Variants in PSME4 observed in about 807,000 individuals in gnomAD.
The protein encoded by PSME4 is proteasome activator complex subunit 4.
A neutral mutation model predicts 253.9 loss-of-function variants in PSME4; 89 were observed. That is an observed-to-expected ratio of 0.35 (90% CI 0.30 to 0.42). The LOEUF (loss-of-function observed/expected upper bound fraction) is 0.42. Ranked by LOEUF, PSME4 falls within the 10% of genes least tolerant of loss-of-function variation. PSME4 has a pLI of 1.00. For missense variants in PSME4, 2,014 were observed against 2,195.2 expected, an observed-to-expected ratio of 0.92 and a Z score of 1.65; for synonymous variants, 851 against 759.2, an observed-to-expected ratio of 1.12 and a Z score of -1.99.
chr2:53,927,556 A>T (rs767932547), intron 11 of PSME4, 73 bp from the exon 12 acceptor site: 10 of 1,026,470 alleles, frequency 9.7e-6, no homozygotes, highest in Admixed American at 3.6e-5. Flanking sequence ...CATGAACTAC[A>T]ATAAATTACC....
chr2:53,940,834 C>G (rs1384212041), intron 3 of PSME4, among the ~76,000 whole-genome samples: 2 of 113,106 alleles, frequency 1.8e-5, no homozygotes, highest in African/African-American at 6.0e-5. Flanking sequence ...ATAAAATTCC[C>G]CAAATCTCAA....
chr2:53,910,286 T>C (rs1667771741), intron 20 of PSME4, among the ~76,000 whole-genome samples, 156 bp from the exon 21 acceptor site: 1 of 152,182 alleles, frequency 6.6e-6, no homozygotes, highest in Non-Finnish European at 1.5e-5. Context: ...TCAATCTATC[T>C]TTCTCAAGAT....
chr2:53,943,734 C>G (rs957444659), intron 3 of PSME4, among the ~76,000 whole-genome samples: 1 of 150,366 alleles, frequency 6.7e-6, no homozygotes, highest in Non-Finnish European at 1.5e-5. Context: ...CCCAGCTACT[C>G]AGGAGACTGA....
chr2:53,936,715 AAG>A, intron 6 of PSME4, 47 bp downstream of exon 6: 1 of 1,370,012 alleles, frequency 7.3e-7, no homozygotes, highest in Non-Finnish European at 9.9e-7. Context: ...GGGGGGAAAA[AAG>A]AAAAAAAAAA....
chr2:53,936,433 T>G (rs1558701046), intron 6 of PSME4, among the ~76,000 whole-genome samples: 1 of 152,134 alleles, frequency 6.6e-6, no homozygotes, highest in African/African-American at 2.4e-5. Flanking sequence ...ATCCAACAAA[T>G]ATGCTGAAAA....
In PSME4 at chr2:53,866,171, C is replaced by A; in HGVS notation, c.5450G>T (p.Trp1817Leu). Residue 1817 changes from tryptophan (W) to leucine (L), a missense_variant, in exon 46 of 47, where the codon TGG (tryptophan) becomes TTG (leucine). Trp to Leu is a moderately conservative substitution (Grantham distance 61). Transcript: ENST00000404125. ...SNFRRTHHDN[W>L]QEHKQQFTDD... Reference sequence around the variant, plus strand: ...AGTGAATTGCTGTTTATGTTCCTGCCAGTTGTCATGGTGAGTCCTTCGGAA... The same window carrying A: ...AGTGAATTGCTGTTTATGTTCCTGCAAGTTGTCATGGTGAGTCCTTCGGAA... 1 of 1,613,808 alleles carries A rather than the reference C, an allele frequency of 6.2e-7. No homozygotes were observed. The highest frequency in any genetic ancestry group is 8.5e-7 in the Non-Finnish European group (1 of 1,179,746).
chr2:53,935,793 T>C (rs554096544), intron 7 of PSME4, among the ~76,000 whole-genome samples: 2 of 152,290 alleles, frequency 1.3e-5, no homozygotes, highest in South Asian at 4.1e-4. Flanking sequence ...TTTTTACTAA[T>C]GATCAAAGAA....
intron 28 of PSME4, among the ~76,000 whole-genome samples, chr2:53,900,886 A>G (rs1680367239): frequency 6.6e-6 from 1 of 152,176 alleles, no homozygotes; most frequent in South Asian, 2.1e-4. Context: ...GCAAGTTCCT[A>G]GAAAATCTGC....
intron 14 of PSME4, among the ~76,000 whole-genome samples, chr2:53,923,797 C>T (rs1573300235): frequency 6.6e-6 from 1 of 151,986 alleles, no homozygotes; most frequent in Non-Finnish European, 1.5e-5. Flanking sequence ...GTGGCGCATG[C>T]CTGTAGTCCC....
intron 32 of PSME4, among the ~76,000 whole-genome samples, chr2:53,896,465 G>A (rs770075200): frequency 7.9e-5 from 12 of 152,258 alleles, no homozygotes; most frequent in Admixed American, 2.6e-4. Context: ...AATAAGGTAT[G>A]AGGAAGAAAA....
At chr2:53,896,072 AT>A (rs150792386) in intron 32 of PSME4, among the ~76,000 whole-genome samples, 1,877 of 152,274 alleles carry the variant, frequency 0.012, 46 homozygotes, top group African/African-American at 0.043. Context: ...AAATTCCCAC[AT>A]CTTTTACTGA....
At chr2:53,943,782 C>T (rs897028735) in intron 3 of PSME4, among the ~76,000 whole-genome samples, 4 of 137,194 alleles carry the variant, frequency 2.9e-5, no homozygotes, top group South Asian at 2.4e-4. Context: ...GCGGAGGTTG[C>T]GGTGAGTCCA....
rs763188055 is a variant in PSME4, at chr2:53,906,623, C to A, written c.2918G>T (p.Arg973Leu). The A allele has an allele frequency of 1.3e-6, 2 of 1,597,814 alleles. No homozygotes were observed. The highest frequency in any genetic ancestry group is 1.7e-6 in the Non-Finnish European group (2 of 1,173,026). The change falls in exon 26 of 47, where the codon CGT becomes CTT. Residue 973 changes from arginine (R) to leucine (L), a missense_variant. By Grantham distance (102) the Arg-to-Leu change is moderately radical. Coordinates refer to ENST00000404125, the MANE Select transcript of PSME4 (RefSeq NM_014614.3). ...IHQDMIRDLL[R>L]LSTSSYSQVR... is the part of the protein sequence containing the mutation. ...CTGACTGTATGAACTTGTAGATAAACGAAGAAGATCTCTGATCATATCTTG... is the reference window on the plus strand; with the variant it reads ...CTGACTGTATGAACTTGTAGATAAAAGAAGAAGATCTCTGATCATATCTTG...
rs1425400764 is a variant in PSME4 at position 53,923,356 on chromosome 2, G to A, written c.1873C>T (p.Arg625Cys). Residue 625 changes from arginine (R) to cysteine (C), a missense_variant, in exon 15 of 47, where the codon CGC becomes TGC. Physicochemically the swap from Arg to Cys is radical, Grantham distance 180. This residue lies in a region of PSME4 where 989 missense variants were observed against 1,021.1 expected (regional missense o/e 0.97). Coordinates refer to ENST00000404125, the MANE Select transcript of PSME4 (RefSeq NM_014614.3). Reference sequence around the variant, plus strand: ...GCGCGGCACATGTCTGCCACCATGCGACCTGCTACTCTTGTTTCAAATATA... The same window carrying A: ...GCGCGGCACATGTCTGCCACCATGCAACCTGCTACTCTTGTTTCAAATATA... ...SHIFETRVAG[R>C]MVADMCRAAV... The A allele has an allele frequency of 2.5e-6, 4 of 1,610,686 alleles. No individual in the cohort carries two copies. Among genetic ancestry groups the A allele is most frequent in the African/African-American group, 1.3e-5 (1 of 74,758 alleles).
chr2:53,966,219 G>A (rs1400463326), intron 1 of PSME4, among the ~76,000 whole-genome samples: 2 of 152,192 alleles, frequency 1.3e-5, no homozygotes, highest in Non-Finnish European at 2.9e-5. Context: ...GGGAGGCAGA[G>A]GCTGCAGTGA....
intron 41 of PSME4, among the ~76,000 whole-genome samples, chr2:53,877,206 C>A (rs1236248762): frequency 7.3e-6 from 1 of 136,214 alleles, no homozygotes; most frequent in Non-Finnish European, 1.5e-5. Flanking sequence ...GAGGGATTCT[C>A]ATGAGGCTGG....
intron 20 of PSME4, chr2:53,917,159 A>C (rs1668098220): frequency 6.6e-6 from 1 of 152,486 alleles, no homozygotes. Flanking sequence ...ATTACATTAA[A>C]TTTTCACTCT....
intron 41 of PSME4, among the ~76,000 whole-genome samples, chr2:53,884,755 T>TA (rs1679559989): frequency 6.6e-6 from 1 of 152,208 alleles, no homozygotes; most frequent in South Asian, 2.1e-4. Context: ...ACCAAAGACC[T>TA]ATAGGTAAGA....
At chr2:53,942,874 C>A (rs1669516999) in intron 3 of PSME4, among the ~76,000 whole-genome samples, 1 of 152,136 alleles carries the variant, frequency 6.6e-6, no homozygotes, top group South Asian at 2.1e-4. Flanking sequence ...GAGTTCTTGT[C>A]CCAGTTCTTA....
Sources: gnomAD v4.1 joint callset for allele counts (sites outside exome capture counted in the v4.1 genomes callset) on GRCh38, gnomAD v4.1.1 for gene constraint, gnomAD v4.1.1 regional missense constraint, MANE v1.5 for transcripts, NCBI Gene and HGNC (gene_info 2026-07-23, HGNC 2026-07-21) for gene names.